Variants in NLRP12 observed in about 807,000 individuals in gnomAD.
The protein encoded by NLRP12 is NACHT, LRR and PYD domains-containing protein 12.
A neutral mutation model predicts 91.2 loss-of-function variants in NLRP12; 108 were observed. The ratio of observed to expected loss-of-function variants is 1.18; its 90% confidence interval spans 1.01 to 1.39. The LOEUF (loss-of-function observed/expected upper bound fraction) is 1.39. Ranked by LOEUF, NLRP12 falls within the 40% of genes most tolerant of loss-of-function variation. The pLI is 0.00. For missense variants in NLRP12, 1,530 were observed against 1,352.7 expected, an observed-to-expected ratio of 1.13 and a Z score of -2.06; for synonymous variants, 613 against 566.7, an observed-to-expected ratio of 1.08 and a Z score of -1.16.
chr19:53,821,073 T>A (rs1042791786), intron 1 of NLRP12, among the ~76,000 whole-genome samples: 2 of 139,396 alleles, frequency 1.4e-5, no homozygotes, highest in Non-Finnish European at 3.0e-5. Flanking sequence ...TCTTACTCTG[T>A]CACCCAGGCT....
At chr19:53,809,314 C>T (rs1600704666) in intron 3 of NLRP12, among the ~76,000 whole-genome samples, 1 of 151,006 alleles carries the variant, frequency 6.6e-6, no homozygotes. Flanking sequence ...GGGCAGATCA[C>T]GAGGTCAAGA....
At chr19:53,800,562 G>A (rs1158892708) in intron 7 of NLRP12, among the ~76,000 whole-genome samples, 1 of 149,758 alleles carries the variant, frequency 6.7e-6, no homozygotes, top group Non-Finnish European at 1.5e-5. Context: ...CTTGTGCAAA[G>A]GGCCGTGCGT....
chr19:53,804,853 C>T (rs1276480876), intron 5 of NLRP12, among the ~76,000 whole-genome samples: 4 of 151,838 alleles, frequency 2.6e-5, no homozygotes, highest in Non-Finnish European at 5.9e-5. Flanking sequence ...CGTGAGGAAA[C>T]CCCATCTCTA....
chr19:53,810,517 G>A lies in NLRP12; in HGVS notation c.1142C>T (p.Ala381Val). The change falls in exon 3 of 10, where the codon GCA becomes GTA. Residue 381 changes from alanine (A) to valine (V), a missense_variant. Physicochemically the swap from Ala to Val is moderately conservative, Grantham distance 64. Coordinates refer to ENST00000324134, the MANE Select transcript of NLRP12 (RefSeq NM_144687.4). ...ATTGAAGACTTGGCCCGCCTGCTCT[G>A]CATTGTGGAAATACTTGTAGAAGTA... ...KEYFYKYFHN[A>V]EQAGQVFNYV... is the part of the protein sequence containing the mutation. 6.2e-7 allele frequency: 1 copy of A among 1,614,138 alleles called. No homozygotes were observed. Among genetic ancestry groups the A allele is most frequent in the Non-Finnish European group, 8.5e-7 (1 of 1,180,030 alleles).
intron 6 of NLRP12, among the ~76,000 whole-genome samples, chr19:53,802,113 G>A (rs531470486): frequency 1.5e-3 from 225 of 151,658 alleles, no homozygotes; most frequent in Non-Finnish European, 2.8e-3. Context: ...TGTAATCCCA[G>A]CTACTTGGGA....
chr19:53,808,094 TGTTG>T (rs1237782431), intron 3 of NLRP12: 58 of 347,950 alleles, frequency 1.7e-4, no homozygotes, highest in Non-Finnish European at 6.2e-5. Context: ...GGCCTTGCCC[TGTTG>T]TCTAGGCTGG....
At chr19:53,798,877 G>C (rs376785178) in intron 7 of NLRP12, among the ~76,000 whole-genome samples, 3 of 152,084 alleles carry the variant, frequency 2.0e-5, no homozygotes, top group East Asian at 1.9e-4. Flanking sequence ...AAGTAGATGG[G>C]ATTACAGGCA....
At chr19:53,823,445 T>TAAATATATA (rs1481494123) in intron 1 of NLRP12, among the ~76,000 whole-genome samples, 2 of 68,864 alleles carry the variant, frequency 2.9e-5, no homozygotes, top group African/African-American at 1.1e-4. Context: ...AAATATATGT[T>TAAATATATA]TTAAATATAT....
In NLRP12 at chr19:53,801,332, T is replaced by C. The variant is rs766064896; in HGVS notation, c.2651A>G (p.Gln884Arg). ...GCTCAGGTCCAGCTCTCTCAGGCTC[T>C]GGTTCACACTGAGAGTTGAGGCCAG... ...DELASTLSVN[Q>R]SLRELDLSLN... The change falls in exon 7 of 10, where the codon CAG becomes CGG. Residue 884 changes from glutamine to arginine, a missense_variant. Transcript: ENST00000324134. 6.2e-7 allele frequency: 1 copy of C among 1,613,960 alleles called. No individual in the cohort carries two copies. The highest frequency in any genetic ancestry group is 8.5e-7 in the Non-Finnish European group (1 of 1,179,974).
chr19:53,824,042 A>AG lies in NLRP12; in HGVS notation c.132dup (p.Trp45LeufsTer34), dbSNP rs2092307473. Reference sequence around the variant, plus strand: ...GGACCGGCCTTCTCCATGCTTCCCCAGGGGATCTTGCCTTCTCCCAGCTCT... The same window carrying AG: ...GGACCGGCCTTCTCCATGCTTCCCCAGGGGGATCTTGCCTTCTCCCAGCTCT... On this transcript the variant is annotated frameshift_variant, in exon 1 of 10. Transcript: ENST00000324134. LOFTEE classifies it high-confidence loss of function. 1 of 1,614,156 alleles carries AG rather than the reference A, an allele frequency of 6.2e-7. No homozygotes were observed. Among genetic ancestry groups the AG allele is most frequent in the Non-Finnish European group, 8.5e-7 (1 of 1,180,042 alleles).
In NLRP12 at chr19:53,793,875, A is replaced by T; in HGVS notation, c.*174T>A. Reference sequence around the variant, plus strand: ...GCTAGGATTACATACATGAGCCACCACGCCTGGCCAGCTCTGTCAAACATT... The same window carrying T: ...GCTAGGATTACATACATGAGCCACCTCGCCTGGCCAGCTCTGTCAAACATT... On this transcript the variant is annotated 3_prime_UTR_variant, in exon 10 of 10. Coordinates refer to ENST00000324134, the MANE Select transcript of NLRP12 (RefSeq NM_144687.4). The T allele has an allele frequency of 1.4e-6, 1 of 691,084 alleles. No individual in the cohort carries two copies. The allele number at this position is 691,084 out of a possible 1,614,324, so 42.8% of individuals were successfully genotyped here.
At chr19:53,800,441 G>C (rs552659196) in intron 7 of NLRP12, among the ~76,000 whole-genome samples, 2 of 152,296 alleles carry the variant, frequency 1.3e-5, no homozygotes, top group East Asian at 1.9e-4. Flanking sequence ...ACTGGTGACA[G>C]AGCAAGACCC....
intron 3 of NLRP12, among the ~76,000 whole-genome samples, chr19:53,809,059 C>T (rs935807228): frequency 4.6e-5 from 7 of 151,816 alleles, no homozygotes; most frequent in African/African-American, 1.5e-4. Flanking sequence ...AACCCCATCT[C>T]CACTAAAAAT....
At chr19:53,807,456 T>C (rs1400649074) in intron 4 of NLRP12, 39 bp downstream of exon 4, 2 of 1,600,856 alleles carry the variant, frequency 1.2e-6, no homozygotes, top group South Asian at 1.1e-5. Context: ...GAGGCCACGG[T>C]GGGGACCACC....
In NLRP12 at chr19:53,793,896, A is replaced by ACAT. The variant is rs1384925856; in HGVS notation, c.*150_*152dup. The ACAT allele has an allele frequency of 1.4e-6, 1 of 717,790 alleles. No homozygotes were observed. Among genetic ancestry groups the ACAT allele is most frequent in the Non-Finnish European group, 2.6e-6 (1 of 391,848 alleles). 44.5% of individuals were successfully genotyped at this position (717,790 alleles called of 1,614,324 possible). A position where few individuals can be genotyped will look rare whatever the true frequency, so the allele number is the denominator to read the frequency against. On this transcript the variant is annotated 3_prime_UTR_variant, in exon 10 of 10. Coordinates refer to ENST00000324134, the MANE Select transcript of NLRP12 (RefSeq NM_144687.4). ...CACCACGCCTGGCCAGCTCTGTCAA[A>ACAT]CATTAATTTGATCCCAAGCAGAGGG...
intron 1 of NLRP12, among the ~76,000 whole-genome samples, chr19:53,815,983 G>C (rs1451622676): frequency 6.6e-6 from 1 of 151,144 alleles, no homozygotes; most frequent in East Asian, 2.0e-4. Flanking sequence ...TGTTACCCAG[G>C]CTGGTCTGGA....
intron 1 of NLRP12, among the ~76,000 whole-genome samples, chr19:53,821,031 C>CTTTTTTTTTT (rs1158419664): frequency 9.4e-4 from 76 of 81,274 alleles, no homozygotes; most frequent in Non-Finnish European, 1.3e-3. Flanking sequence ...CATATTTTTT[C>CTTTTTTTTTT]TTTTTTTTTT....
intron 3 of NLRP12, chr19:53,808,152 G>A: frequency 3.6e-6 from 1 of 278,390 alleles, no homozygotes; most frequent in Non-Finnish European, 7.1e-6. Flanking sequence ...TGACCTCCCA[G>A]GCTTAAGCAA....
At chr19:53,814,080 G>C (rs1274975705) in intron 2 of NLRP12, among the ~76,000 whole-genome samples, 3 of 152,114 alleles carry the variant, frequency 2.0e-5, no homozygotes, top group Non-Finnish European at 4.4e-5. Context: ...CAGTGTTGCT[G>C]TCTACCCAGC....
Sources: allele counts gnomAD v4.1 joint callset (sites outside exome capture counted in the v4.1 genomes callset), GRCh38; gene constraint gnomAD v4.1.1; transcripts MANE v1.5; gene names NCBI Gene and HGNC (gene_info 2026-07-23, HGNC 2026-07-21).